Variants in UBE2H observed in about 807,000 individuals in gnomAD.
The protein encoded by UBE2H is ubiquitin-conjugating enzyme E2 H.
A neutral mutation model predicts 29.0 loss-of-function variants in UBE2H; 3 were observed. The observed-to-expected ratio is 0.10, with a 90% CI of 0.05 to 0.27. UBE2H has a LOEUF of 0.27. Ranked by LOEUF, UBE2H falls within the 10% of genes least tolerant of loss-of-function variation. The pLI is 1.00. For missense variants in UBE2H, 68 were observed against 228.2 expected (o/e 0.30, Z 4.52); for synonymous variants, 69 against 82.9 (o/e 0.83, Z 0.91).
intron 1 of UBE2H, among the ~76,000 whole-genome samples, chr7:129,903,876 C>T (rs1387596241): frequency 6.6e-6 from 1 of 152,188 alleles, no homozygotes; most frequent in Admixed American, 6.6e-5. Context: ...TGTACTCCAG[C>T]CTCGGCAATA....
At chr7:129,890,181 C>A (rs1806445970) in intron 1 of UBE2H, among the ~76,000 whole-genome samples, 2 of 151,938 alleles carry the variant, frequency 1.3e-5, no homozygotes, top group African/African-American at 2.4e-5. Context: ...AATGAAGTTG[C>A]CAGTCTGAGA....
chr7:129,945,637 AG>A (rs935203190), intron 1 of UBE2H, among the ~76,000 whole-genome samples: 1 of 152,250 alleles, frequency 6.6e-6, no homozygotes, highest in African/African-American at 2.4e-5. Context: ...AATAACCCAA[AG>A]AAAAGCCTAT....
At chr7:129,939,389 A>G (rs1311851355) in intron 1 of UBE2H, among the ~76,000 whole-genome samples, 2 of 152,202 alleles carry the variant, frequency 1.3e-5, no homozygotes, top group Admixed American at 6.5e-5. Flanking sequence ...CAATTAAAAG[A>G]GTTATATAGT....
chr7:129,874,633 T>C (rs1806110687), intron 3 of UBE2H, among the ~76,000 whole-genome samples: 1 of 152,184 alleles, frequency 6.6e-6, no homozygotes, highest in Non-Finnish European at 1.5e-5. Flanking sequence ...AGAAGACTTT[T>C]ATATTTTTTT....
chr7:129,929,301 G>C (rs1200938793), intron 1 of UBE2H, among the ~76,000 whole-genome samples: 1 of 141,566 alleles, frequency 7.1e-6, no homozygotes, highest in African/African-American at 2.6e-5. Context: ...TGGGCAACAA[G>C]AGTGAAACTC....
At chr7:129,941,099 C>A (rs1328109876) in intron 1 of UBE2H, among the ~76,000 whole-genome samples, 1 of 152,190 alleles carries the variant, frequency 6.6e-6, no homozygotes, top group Non-Finnish European at 1.5e-5. Flanking sequence ...GGACTACAGG[C>A]GCAAGCCACC....
At chr7:129,907,529 A>AGGT (rs1806845264) in intron 1 of UBE2H, among the ~76,000 whole-genome samples, 1 of 152,202 alleles carries the variant, frequency 6.6e-6, no homozygotes, top group Admixed American at 6.5e-5. Context: ...AAAAGCAGAT[A>AGGT]AGTAGACAAA....
At chr7:129,903,935 A>C (rs1013001333) in intron 1 of UBE2H, among the ~76,000 whole-genome samples, 1 of 152,234 alleles carries the variant, frequency 6.6e-6, no homozygotes, top group African/African-American at 2.4e-5. Flanking sequence ...GTTATCTTTC[A>C]ATCGTTATTT....
chr7:129,852,452 G>A (rs1805628095), intron 5 of UBE2H, among the ~76,000 whole-genome samples: 1 of 149,734 alleles, frequency 6.7e-6, no homozygotes, highest in Admixed American at 6.7e-5. Flanking sequence ...GGGCGACAGA[G>A]CGAGACTCCG....
At chr7:129,945,142 A>G (rs939361065) in intron 1 of UBE2H, among the ~76,000 whole-genome samples, 1 of 152,214 alleles carries the variant, frequency 6.6e-6, no homozygotes, top group African/African-American at 2.4e-5. Context: ...AAGGGCCACA[A>G]GAAACTTTGG....
At chr7:129,914,902 A>G (rs532829024) in intron 1 of UBE2H, among the ~76,000 whole-genome samples, 1 of 152,302 alleles carries the variant, frequency 6.6e-6, no homozygotes, top group Non-Finnish European at 1.5e-5. Context: ...CTCTTGAGTT[A>G]TTCTGAGGAC....
intron 3 of UBE2H, among the ~76,000 whole-genome samples, chr7:129,878,815 T>C (rs1005334414): frequency 6.6e-6 from 1 of 151,658 alleles, no homozygotes; most frequent in Non-Finnish European, 1.5e-5. Context: ...TTACTTAAAA[T>C]TGTTCAATAT....
intron 1 of UBE2H, among the ~76,000 whole-genome samples, chr7:129,932,791 A>T (rs1363711739): frequency 7.0e-6 from 1 of 143,338 alleles, no homozygotes; most frequent in Non-Finnish European, 1.5e-5. Flanking sequence ...AAAAAAAAAA[A>T]AAAAAAGTCC....
intron 1 of UBE2H, among the ~76,000 whole-genome samples, chr7:129,912,539 T>C (rs898175112): frequency 1.3e-5 from 2 of 152,316 alleles, no homozygotes; most frequent in Middle Eastern, 3.4e-3. Context: ...ATACATCTTA[T>C]ACACATAGTC....
At chr7:129,854,696 C>T (rs1287316941) in intron 5 of UBE2H, among the ~76,000 whole-genome samples, 2 of 152,188 alleles carry the variant, frequency 1.3e-5, no homozygotes, top group Non-Finnish European at 2.9e-5. Context: ...TATTATCCAG[C>T]AATTTCACTC....
At chr7:129,902,125 C>T (rs983750854) in intron 1 of UBE2H, among the ~76,000 whole-genome samples, 2 of 152,104 alleles carry the variant, frequency 1.3e-5, no homozygotes, top group Admixed American at 6.6e-5. Flanking sequence ...TAAGAAAAGG[C>T]TGAGCAAATG....
At chr7:129,886,960 T>C (rs894259816) in intron 1 of UBE2H, among the ~76,000 whole-genome samples, 1 of 151,998 alleles carries the variant, frequency 6.6e-6, no homozygotes, top group Non-Finnish European at 1.5e-5. Flanking sequence ...AGAAGAGGTG[T>C]AGAAGAAACA....
intron 1 of UBE2H, among the ~76,000 whole-genome samples, chr7:129,920,446 T>C (rs978372887): frequency 6.6e-6 from 1 of 152,022 alleles, no homozygotes; most frequent in African/African-American, 2.4e-5. Context: ...GGAAAAAATA[T>C]GGTACACATA....
At chr7:129,942,413 G>T (rs1010127568) in intron 1 of UBE2H, among the ~76,000 whole-genome samples, 8 of 152,034 alleles carry the variant, frequency 5.3e-5, no homozygotes, top group African/African-American at 1.9e-4. Context: ...CTTGAACCTG[G>T]GAGGCAGAGG....
Sources: gnomAD v4.1 joint callset for allele counts (sites outside exome capture counted in the v4.1 genomes callset) on GRCh38, gnomAD v4.1.1 for gene constraint, MANE v1.5 for transcripts, NCBI Gene and HGNC (gene_info 2026-07-23, HGNC 2026-07-21) for gene names.